Variants in ATM observed in about 807,000 individuals in gnomAD.
ATM encodes ATM serine/threonine kinase, also known as serine-protein kinase ATM.
ATM carries 308 observed loss-of-function variants against 387.0 expected under a neutral mutation model. The ratio of observed to expected loss-of-function variants is 0.80; its 90% confidence interval spans 0.73 to 0.87. The LOEUF (loss-of-function observed/expected upper bound fraction) is 0.87, where lower values mean the gene tolerates loss of function less well. ATM is among the 40% of genes least tolerant of loss of function. The pLI is 0.00. For missense variants in ATM, 3,312 were observed against 3,560.9 expected (o/e 0.93, Z 1.78); for synonymous variants, 1,156 against 1,187.3 (o/e 0.97, Z 0.54).
chr11:108,271,543 T>C (rs751782104), intron 20 of ATM, 137 bp downstream of exon 20: 61 of 1,135,978 alleles, frequency 5.4e-5, no homozygotes, highest in Non-Finnish European at 7.7e-5. Flanking sequence ...CAGAATGTAA[T>C]TTGTGTTTCC....
chr11:108,245,481 A>G (rs2079802645), intron 7 of ATM, among the ~76,000 whole-genome samples: 1 of 152,154 alleles, frequency 6.6e-6, no homozygotes, highest in South Asian at 2.1e-4. Flanking sequence ...CTTTAATAGG[A>G]ATTTGAGGCA....
chr11:108,340,356 T>C (rs948313058), intron 56 of ATM: 6 of 152,202 alleles, frequency 3.9e-5, no homozygotes, highest in African/African-American at 1.4e-4. Context: ...AACATTTCAG[T>C]GTGTAGATCT....
At chr11:108,359,364 A>C (rs1488034815) in intron 61 of ATM, among the ~76,000 whole-genome samples, 1 of 152,084 alleles carries the variant, frequency 6.6e-6, no homozygotes, top group African/African-American at 2.4e-5. Flanking sequence ...TTAACACCCC[A>C]CTGTCAACAT....
chr11:108,297,353 T>C lies in ATM; in HGVS notation c.4976T>C (p.Ile1659Thr), dbSNP rs1555103271. The change falls in exon 33 of 63, where the codon ATA (isoleucine) becomes ACA (threonine). Residue 1659 changes from isoleucine to threonine, a missense_variant. By Grantham distance (89) the Ile-to-Thr change is moderately conservative. Transcript: ENST00000675843. ...TTGTTGCAGTTATCCAAGATGGCAA[T>C]AAACCACACTGGTGAAAAAGAAGTT... ...VNLLQLSKMAINHTGEKEVLE... is the reference protein window; with the variant it reads ...VNLLQLSKMATNHTGEKEVLE... The C allele has an allele frequency of 6.2e-7, 1 of 1,614,054 alleles. No individual in the cohort carries two copies. Among genetic ancestry groups the C allele is most frequent in the Non-Finnish European group, 8.5e-7 (1 of 1,179,962 alleles).
At chr11:108,254,896 G>C (rs4987958) in intron 13 of ATM, among the ~76,000 whole-genome samples, 2 of 152,108 alleles carry the variant, frequency 1.3e-5, no homozygotes, top group African/African-American at 2.4e-5. Context: ...TGATGGACCC[G>C]CCTCAGCATC....
intron 26 of ATM, chr11:108,287,108 A>AT (rs2082532208): frequency 1.3e-5 from 2 of 153,682 alleles, no homozygotes; most frequent in African/African-American, 4.8e-5. Flanking sequence ...AGAATTTGGG[A>AT]TGGCACTCAA....
rs55849405 is a variant in ATM, at chr11:108,244,986, T to C, written c.861T>C (p.Ile287=). The change falls in exon 7 of 63, where the codon ATT becomes ATC. Residue 287 remains isoleucine (I), a synonymous_variant. Transcript: ENST00000675843. ...EVIIELFQLQ[I]YIHHPKGAKT... ...TTATTGAATTATTTCAACTGCAAAT[T>C]TATATCCATCATCCGAAAGGAGCCA... 10 of 1,612,246 alleles carry C rather than the reference T, an allele frequency of 6.2e-6. No individual in the cohort carries two copies. In the African/African-American group the frequency reaches 9.3e-5, roughly 15 times the overall value.
At chr11:108,303,894 A>G (rs1409527427) in intron 36 of ATM, among the ~76,000 whole-genome samples, 1 of 152,112 alleles carries the variant, frequency 6.6e-6, no homozygotes, top group Non-Finnish European at 1.5e-5. Context: ...TACACACCCC[A>G]TTTGTGGTAC....
chr11:108,280,844 T>G, intron 23 of ATM, 151 bp from the exon 24 acceptor site: 1 of 685,182 alleles, frequency 1.5e-6, no homozygotes, highest in East Asian at 2.8e-5. Flanking sequence ...TTACTCTTTC[T>G]TGTACCAAAA....
intron 61 of ATM, among the ~76,000 whole-genome samples, chr11:108,357,357 G>T (rs1030924415): frequency 6.6e-6 from 1 of 152,166 alleles, no homozygotes; most frequent in African/African-American, 2.4e-5. Flanking sequence ...AGGTGGCAGC[G>T]AGGCTGGGGG....
At chr11:108,233,620 A>G (rs1205517875) in intron 4 of ATM, among the ~76,000 whole-genome samples, 1 of 151,150 alleles carries the variant, frequency 6.6e-6, no homozygotes, top group Non-Finnish European at 1.5e-5. Flanking sequence ...TTGTACTTTT[A>G]AGAAAGATTT....
intron 40 of ATM, among the ~76,000 whole-genome samples, chr11:108,314,070 G>T (rs945803201): frequency 1.1e-4 from 17 of 151,982 alleles, no homozygotes; most frequent in African/African-American, 3.9e-4. Context: ...ACCAAATTGA[G>T]TTTTCAAGAG....
Position 108,256,390 on chromosome 11 carries a change from A to T in ATM, c.2250+50A>T, listed in dbSNP as rs1157122764. 3 of 1,559,958 alleles carry T rather than the reference A, an allele frequency of 1.9e-6. No homozygotes were observed. In the South Asian group the frequency reaches 3.4e-5, roughly 18 times the overall value. ...TTTCGGATAAATTTGAATGAAATGT[A>T]TTCCTGTGAAAATTATTACATTTGT... On this transcript the variant is annotated intron_variant, in intron 14 of 62. Coordinates refer to ENST00000675843, the MANE Select transcript of ATM (RefSeq NM_000051.4).
At chr11:108,290,636 C>A in intron 29 of ATM, 1 of 50,962 alleles carries the variant, frequency 2.0e-5, no homozygotes, top group South Asian at 9.5e-4. Flanking sequence ...AGACTCTTGT[C>A]TCAAAAAAAA....
At chr11:108,302,812 C>T (rs2135925839) in intron 35 of ATM, 41 bp from the exon 36 acceptor site, 1 of 1,547,286 alleles carries the variant, frequency 6.5e-7, no homozygotes. Context: ...ACAATGATTT[C>T]CACTTCTCTT....
chr11:108,319,304 A>G (rs966622470), intron 43 of ATM, among the ~76,000 whole-genome samples: 1 of 152,172 alleles, frequency 6.6e-6, no homozygotes, highest in African/African-American at 2.4e-5. Context: ...GCCTCTGTAA[A>G]TCAATATATA....
chr11:108,354,761 A>G, intron 60 of ATM, 50 bp from the exon 61 acceptor site: 1 of 1,469,360 alleles, frequency 6.8e-7, no homozygotes, highest in Non-Finnish European at 9.5e-7. Context: ...AGATACGTTG[A>G]CAACATTGGT....
In ATM at chr11:108,293,429, T is replaced by C; in HGVS notation, c.4728T>C (p.Ile1576=). The C allele has an allele frequency of 6.2e-7, 1 of 1,612,960 alleles. No individual in the cohort carries two copies. Among genetic ancestry groups the C allele is most frequent in the Non-Finnish European group, 8.5e-7 (1 of 1,179,228 alleles). ...PDHVVFKDLR[I]TQQKIKYSRG... is the part of the protein sequence containing the mutation. ...ATGTTGTTTTTAAGGATTTGCGTATTACTCAGCAAAAAATCAAATACAGTA... is the reference window on the plus strand; with the variant it reads ...ATGTTGTTTTTAAGGATTTGCGTATCACTCAGCAAAAAATCAAATACAGTA... The change falls in exon 31 of 63, where the codon ATT becomes ATC. Residue 1576 remains isoleucine, a synonymous_variant. Coordinates refer to ENST00000675843, the MANE Select transcript of ATM (RefSeq NM_000051.4).
Position 108,331,864 on chromosome 11 carries a change from G to T in ATM, c.7630-15G>T, listed in dbSNP as rs773603597. On this transcript the variant is annotated splice_polypyrimidine_tract_variant and intron_variant, in intron 51 of 62. Coordinates refer to ENST00000675843, the MANE Select transcript of ATM (RefSeq NM_000051.4). ...TTTGTTTATTTGCATAAATCTAATA[G>T]TTCTTTTCTTACAGCTAATCTCTAG... 3.4e-5 allele frequency: 55 copies of T among 1,611,980 alleles called. No homozygotes were observed. The highest frequency in any genetic ancestry group is 4.4e-5 in the Non-Finnish European group (52 of 1,178,520).
Sources: allele counts gnomAD v4.1 joint callset (sites outside exome capture counted in the v4.1 genomes callset), GRCh38; gene constraint gnomAD v4.1.1; transcripts MANE v1.5; gene names NCBI Gene and HGNC (gene_info 2026-07-23, HGNC 2026-07-21).